Variants in ARHGAP44 observed in about 807,000 individuals in gnomAD.
ARHGAP44 encodes the protein Rho GTPase activating protein 44.
In ARHGAP44, 43 loss-of-function variants were observed where a neutral mutation model predicts 106.8. That is an observed-to-expected ratio of 0.40 (90% confidence interval 0.32 to 0.52). ARHGAP44 has a LOEUF of 0.52. Among genes scored for constraint, ARHGAP44 ranks in the 20% least tolerant of loss-of-function variants. The pLI is 0.48. For missense variants in ARHGAP44, 866 were observed against 1,050.5 expected, an observed-to-expected ratio of 0.82 and a Z score of 2.43; for synonymous variants, 439 against 410.3, an observed-to-expected ratio of 1.07 and a Z score of -0.85.
At chr17:12,870,851 T>C (rs2150882099) in intron 1 of ARHGAP44, among the ~76,000 whole-genome samples, 1 of 152,304 alleles carries the variant, frequency 6.6e-6, no homozygotes, top group Admixed American at 6.5e-5. Context: ...CTCCCTGCAG[T>C]TAGCATGGGC....
At chr17:12,926,969 T>G (rs1391202396) in intron 6 of ARHGAP44, among the ~76,000 whole-genome samples, 1 of 152,230 alleles carries the variant, frequency 6.6e-6, no homozygotes, top group South Asian at 2.1e-4. Context: ...CACAACACTT[T>G]AATACTTTAT....
At chr17:12,845,549 A>G (rs1312818855) in intron 1 of ARHGAP44, among the ~76,000 whole-genome samples, 1 of 150,536 alleles carries the variant, frequency 6.6e-6, no homozygotes, top group Non-Finnish European at 1.5e-5. Context: ...TCTTTCTTTT[A>G]GAACCTAAAC....
At chr17:12,870,166 A>G (rs1039119817) in intron 1 of ARHGAP44, among the ~76,000 whole-genome samples, 1 of 146,564 alleles carries the variant, frequency 6.8e-6, no homozygotes, top group Non-Finnish European at 1.5e-5. Flanking sequence ...CTCCCACCTC[A>G]GCCTCCCAAG....
chr17:12,803,798 A>G lies in ARHGAP44; in HGVS notation c.53+13907A>G, dbSNP rs535395176. ...AAGAATGTAATTTTCCTTTTTTTCA[A>G]GTTTTGTTCTGTGGGGAAAAAAATC... On this transcript the variant is annotated intron_variant, in intron 1 of 20. Coordinates refer to ENST00000379672, the MANE Select transcript of ARHGAP44 (RefSeq NM_014859.6). Among the ~76,000 whole-genome samples the G allele has an allele frequency of 2.0e-5, 3 of 152,218 alleles. No individual in the cohort carries two copies. In the East Asian group the frequency reaches 5.8e-4, roughly 29 times the overall value.
chr17:12,911,164 A>C (rs1048269268), intron 4 of ARHGAP44, among the ~76,000 whole-genome samples: 4 of 152,150 alleles, frequency 2.6e-5, no homozygotes, highest in Non-Finnish European at 5.9e-5. Context: ...CAACTGTTCA[A>C]AGAAAATTTC....
intron 1 of ARHGAP44, among the ~76,000 whole-genome samples, chr17:12,864,939 G>T (rs1567656357): frequency 6.6e-6 from 1 of 152,140 alleles, no homozygotes; most frequent in Non-Finnish European, 1.5e-5. Context: ...TTAGAGACAT[G>T]TAGAGGAAAA....
At chr17:12,859,668 G>C (rs2036010328) in intron 1 of ARHGAP44, among the ~76,000 whole-genome samples, 1 of 152,172 alleles carries the variant, frequency 6.6e-6, no homozygotes, top group Admixed American at 6.5e-5. Context: ...ATGTACCCAG[G>C]ACTTGTTTGG....
Position 12,789,716 on chromosome 17 carries a change from A to C in ARHGAP44, c.-123A>C. The C allele has an allele frequency of 8.2e-6, 7 of 848,736 alleles. No homozygotes were observed. The highest frequency in any genetic ancestry group is 1.1e-5 in the Non-Finnish European group (7 of 620,424). The allele number at this position is 848,736 out of a possible 1,614,324, so 52.6% of individuals were successfully genotyped here. On this transcript the variant is annotated 5_prime_UTR_variant, in exon 1 of 21. Transcript: ENST00000379672. The stretch of plus-strand genomic sequence containing the variant: ...TGCGCGCGGGCCAGACGGCGCCCGG[A>C]GGCTCCGCAGTGCCGCCGCCGTCGC...
chr17:12,869,762 G>A (rs1333245968), intron 1 of ARHGAP44, among the ~76,000 whole-genome samples: 1 of 150,992 alleles, frequency 6.6e-6, no homozygotes, highest in Non-Finnish European at 1.5e-5. Flanking sequence ...ATACCTTAAT[G>A]TATTTTTTCT....
intron 1 of ARHGAP44, among the ~76,000 whole-genome samples, chr17:12,890,740 T>C (rs2037020440): frequency 6.6e-6 from 1 of 152,222 alleles, no homozygotes; most frequent in Non-Finnish European, 1.5e-5. Flanking sequence ...CTGTGAATTT[T>C]CCAGATGGTT....
intron 1 of ARHGAP44, among the ~76,000 whole-genome samples, chr17:12,855,748 C>T (rs1387962161): frequency 6.6e-6 from 1 of 152,010 alleles, no homozygotes; most frequent in South Asian, 2.1e-4. Context: ...ATTAAGTGAG[C>T]GATTAATGTT....
At chr17:12,860,713 A>G (rs1450209921) in intron 1 of ARHGAP44, among the ~76,000 whole-genome samples, 4 of 151,270 alleles carry the variant, frequency 2.6e-5, no homozygotes, top group Non-Finnish European at 5.9e-5. Context: ...TCCCTTCCCT[A>G]CTCTTGAGCC....
At chr17:12,944,333 C>A in intron 10 of ARHGAP44, 137 bp downstream of exon 10, 1 of 1,096,452 alleles carries the variant, frequency 9.1e-7, no homozygotes, top group Middle Eastern at 3.3e-4. Context: ...TGGCTCAGAC[C>A]CATCTTCTGC....
At position 12,980,153 on chromosome 17, in the gene ARHGAP44, C is replaced by T. The variant is rs754797187; in HGVS notation, c.1859C>T (p.Ala620Val). ...GTACAGTQPG[A>V]QPGAQPGASP... is the part of the protein sequence containing the mutation. The stretch of plus-strand genomic sequence containing the variant: ...GCCTGTGCAGGGACTCAACCAGGGG[C>T]TCAACCTGGAGCTCAGCCGGGCGCC... Residue 620 changes from alanine (A) to valine (V), a missense_variant, in exon 19 of 21, where the codon GCT becomes GTT. This residue lies in a region of ARHGAP44 where 418 missense variants were observed against 403.6 expected (regional missense o/e 1.04). Coordinates refer to ENST00000379672, the MANE Select transcript of ARHGAP44 (RefSeq NM_014859.6). 57 of 1,613,754 alleles carry T rather than the reference C, an allele frequency of 3.5e-5. No individual in the cohort carries two copies. Among genetic ancestry groups the T allele is most frequent in the Non-Finnish European group, 3.1e-5 (37 of 1,179,852 alleles).
At chr17:12,879,108 G>A (rs959428618) in intron 1 of ARHGAP44, among the ~76,000 whole-genome samples, 1 of 152,104 alleles carries the variant, frequency 6.6e-6, no homozygotes, top group African/African-American at 2.4e-5. Flanking sequence ...TGTACCCAAT[G>A]TGTAGTCTTT....
intron 1 of ARHGAP44, among the ~76,000 whole-genome samples, chr17:12,798,943 A>G (rs958132113): frequency 6.6e-6 from 1 of 152,204 alleles, no homozygotes; most frequent in East Asian, 1.9e-4. Flanking sequence ...ATTTGATAGA[A>G]AAGCATTCAT....
At chr17:12,982,518 G>A (rs968735820) in intron 19 of ARHGAP44, 6 of 152,088 alleles carry the variant, frequency 3.9e-5, no homozygotes, top group Admixed American at 6.6e-5. Context: ...GTACCCCTGC[G>A]TCTGTCACCC....
At chr17:12,948,413 T>TAATCCCA (rs1030762277) in intron 10 of ARHGAP44, among the ~76,000 whole-genome samples, 5 of 152,198 alleles carry the variant, frequency 3.3e-5, no homozygotes, top group African/African-American at 1.2e-4. Context: ...CTCACGCCTG[T>TAATCCCA]AATCCCAGCA....
chr17:12,969,151 A>G (rs57127540), intron 16 of ARHGAP44, among the ~76,000 whole-genome samples: 15,809 of 152,226 alleles, frequency 0.1, 948 homozygotes, highest in South Asian at 0.2. Flanking sequence ...AAATCTGATG[A>G]GAAACCTGAT....
Sources: gnomAD v4.1 joint callset for allele counts (sites outside exome capture counted in the v4.1 genomes callset) on GRCh38, gnomAD v4.1.1 for gene constraint, gnomAD v4.1.1 regional missense constraint, MANE v1.5 for transcripts, NCBI Gene and HGNC (gene_info 2026-07-23, HGNC 2026-07-21) for gene names.